The following FAM171B variants were observed in gnomAD, a reference collection of about 807,000 sequenced individuals.
FAM171B encodes family with sequence similarity 171 member B, also known as protein FAM171B.
Under a neutral mutation model 75.6 loss-of-function variants are expected in FAM171B, and 19 were observed. The ratio of observed to expected loss-of-function variants is 0.25; its 90% CI spans 0.18 to 0.37. The LOEUF is 0.37. Ranked by LOEUF, FAM171B falls within the 10% of genes least tolerant of loss-of-function variation. FAM171B has a pLI of 1.00. For missense variants in FAM171B, 848 were observed against 982.4 expected, an observed-to-expected ratio of 0.86 and a Z score of 1.83; for synonymous variants, 367 against 361.7, an observed-to-expected ratio of 1.01 and a Z score of -0.17.
intron 1 of FAM171B, among the ~76,000 whole-genome samples, chr2:186,699,440 A>G (rs1689626663): frequency 6.6e-6 from 1 of 152,126 alleles, no homozygotes; most frequent in South Asian, 2.1e-4. Context: ...AGAAATATCT[A>G]TGCAGATCTT....
chr2:186,742,580 A>G (rs181144219), intron 2 of FAM171B, among the ~76,000 whole-genome samples: 162 of 152,240 alleles, frequency 1.1e-3, no homozygotes, highest in African/African-American at 3.7e-3. Context: ...TCTCAAAATA[A>G]TAAAAGTATT....
At chr2:186,737,151 A>G (rs1320269223) in intron 1 of FAM171B, among the ~76,000 whole-genome samples, 3 of 152,212 alleles carry the variant, frequency 2.0e-5, no homozygotes, top group Non-Finnish European at 1.5e-5. Flanking sequence ...GCAGAGGTGG[A>G]TGGTGACTGA....
At chr2:186,721,435 A>C (rs1206024969) in intron 1 of FAM171B, among the ~76,000 whole-genome samples, 4 of 152,200 alleles carry the variant, frequency 2.6e-5, no homozygotes, top group Non-Finnish European at 5.9e-5. Flanking sequence ...TTATTCAAGC[A>C]ATCAGTCATG....
chr2:186,697,175 T>G (rs1275438852), intron 1 of FAM171B, among the ~76,000 whole-genome samples: 1 of 152,246 alleles, frequency 6.6e-6, no homozygotes, highest in Non-Finnish European at 1.5e-5. Flanking sequence ...ATAAAGTATG[T>G]AAATTTTGGA....
chr2:186,707,298 A>G (rs531810191), intron 1 of FAM171B, among the ~76,000 whole-genome samples: 4 of 152,106 alleles, frequency 2.6e-5, no homozygotes, highest in South Asian at 2.1e-4. Flanking sequence ...CTAGCTCTAC[A>G]CTCCTCTTCA....
chr2:186,734,488 C>A (rs1311974478), intron 1 of FAM171B, among the ~76,000 whole-genome samples: 1 of 151,968 alleles, frequency 6.6e-6, no homozygotes, highest in Non-Finnish European at 1.5e-5. Context: ...AGCAGGTCAT[C>A]ACAACATCTC....
intron 1 of FAM171B, among the ~76,000 whole-genome samples, chr2:186,696,248 A>T (rs966075345): frequency 6.6e-6 from 1 of 152,148 alleles, no homozygotes; most frequent in East Asian, 1.9e-4. Context: ...AAAAACTCTA[A>T]TTACCCAAGC....
At chr2:186,706,559 G>C (rs1689735971) in intron 1 of FAM171B, among the ~76,000 whole-genome samples, 1 of 152,140 alleles carries the variant, frequency 6.6e-6, no homozygotes, top group Non-Finnish European at 1.5e-5. Flanking sequence ...GGCACATTCT[G>C]GTGTTCCAAA....
At position 186,747,184 on chromosome 2, in the gene FAM171B, G is replaced by C. The variant is rs1690376803; in HGVS notation, c.658G>C (p.Val220Leu). 1 of 1,606,262 alleles carries C rather than the reference G, an allele frequency of 6.2e-7. No homozygotes were observed. The highest frequency in any genetic ancestry group is 1.3e-5 in the African/African-American group (1 of 74,558). ...TAGCAACGTTACTGGCTATCTTACA[G>C]TTCTACAACAGTTTTTGAAAGTGGA... is the stretch of plus-strand genomic sequence containing the variant. ...HISNVTGYLTVLQQFLKVDNF... is the reference protein window; with the variant it reads ...HISNVTGYLTLLQQFLKVDNF... The change falls in exon 4 of 8, where the codon GTT (valine) becomes CTT (leucine). Residue 220 changes from valine (V) to leucine (L), a missense_variant. Physicochemically the swap from Val to Leu is conservative, Grantham distance 32. Transcript: ENST00000304698.
Position 186,725,071 on chromosome 2 carries a change from G to A in FAM171B, c.239-15157G>A, listed in dbSNP as rs187042694. ...AGAATTTTTGCTGAGTAGGCCAGGC[G>A]CGATGGCTCACGCCTGTAATCCCAT... On this transcript the variant is annotated intron_variant, in intron 1 of 7. Coordinates refer to ENST00000304698, the MANE Select transcript of FAM171B (RefSeq NM_177454.4). 3.7e-4 allele frequency among the ~76,000 whole-genome samples: 56 copies of A among 152,248 alleles called. No individual in the cohort carries two copies. In the East Asian group the frequency reaches 0.011, roughly 29 times the overall value.
Position 186,762,650 on chromosome 2 carries a change from G to A in FAM171B, c.2308G>A (p.Val770Met). 2 of 1,613,326 alleles carry A rather than the reference G, an allele frequency of 1.2e-6. No individual in the cohort carries two copies. Among genetic ancestry groups the A allele is most frequent in the Non-Finnish European group, 8.5e-7 (1 of 1,179,672 alleles). The change falls in exon 8 of 8, where the codon GTG becomes ATG. Residue 770 changes from valine to methionine, a missense_variant. Val to Met is a conservative substitution (Grantham distance 21). This residue lies in a region of FAM171B where 136 missense variants were observed against 159.3 expected (regional missense o/e 0.85). Coordinates refer to ENST00000304698, the MANE Select transcript of FAM171B (RefSeq NM_177454.4). The surrounding 1 kb of genome is among the most constrained non-coding windows in gnomAD (Gnocchi z 4.0). ...GCACATCCTAGATGGAGGGAGTGGAGTGATCATGGAGCACCCTGGAGAAGA... is the reference window on the plus strand; with the variant it reads ...GCACATCCTAGATGGAGGGAGTGGAATGATCATGGAGCACCCTGGAGAAGA... ...LRHILDGGSGVIMEHPGEESP... is the reference protein window; with the variant it reads ...LRHILDGGSGMIMEHPGEESP...
chr2:186,696,560 A>G (rs1350566556), intron 1 of FAM171B, among the ~76,000 whole-genome samples: 1 of 145,000 alleles, frequency 6.9e-6, no homozygotes, highest in African/African-American at 2.6e-5. Context: ...ATGGCCTACC[A>G]AGGTCTAGAT....
Position 186,762,895 on chromosome 2 carries a change from A to G in FAM171B, c.*72A>G. ...CTTCTTGTTGTAAATTGCAGTACGA[A>G]CTTAAGAAAATGAGACTGAGCAATC... On this transcript the variant is annotated 3_prime_UTR_variant, in exon 8 of 8. Coordinates refer to ENST00000304698, the MANE Select transcript of FAM171B (RefSeq NM_177454.4). The surrounding 1 kb of genome is among the most constrained non-coding windows in gnomAD (Gnocchi z 4.0). 2 of 1,526,092 alleles carry G rather than the reference A, an allele frequency of 1.3e-6. No homozygotes were observed. The highest frequency in any genetic ancestry group is 1.8e-6 in the Non-Finnish European group (2 of 1,135,862). The allele number at this position is 1,526,092 out of a possible 1,614,324, so 94.5% of individuals were successfully genotyped here.
intron 1 of FAM171B, 34 bp downstream of exon 1, chr2:186,694,445 C>G: frequency 6.3e-7 from 1 of 1,591,366 alleles, no homozygotes; most frequent in Non-Finnish European, 8.6e-7. Flanking sequence ...GTCTTTCAGT[C>G]TCGGCCGGCG....
chr2:186,732,958 C>T (rs1250622459), intron 1 of FAM171B, among the ~76,000 whole-genome samples: 2 of 152,324 alleles, frequency 1.3e-5, no homozygotes, highest in Admixed American at 6.5e-5. Flanking sequence ...CAGCCCTTCC[C>T]TGGTGCTGGT....
rs370337149 is a variant in FAM171B at position 186,743,474 on chromosome 2, A to G, written c.473-9A>G. The G allele has an allele frequency of 8.3e-5, 131 of 1,584,772 alleles. No homozygotes were observed. Among genetic ancestry groups the G allele is most frequent in the Non-Finnish European group, 1.1e-4 (127 of 1,154,656 alleles). The stretch of plus-strand genomic sequence containing the variant: ...AAGTAAAATATTCTAATTGTGCTAT[A>G]TTTCACAGTATATTCATCAGTTACA... On this transcript the variant is annotated splice_polypyrimidine_tract_variant and intron_variant, in intron 2 of 7. Coordinates refer to ENST00000304698, the MANE Select transcript of FAM171B (RefSeq NM_177454.4).
At chr2:186,755,406 G>A (rs533573737) in intron 6 of FAM171B, among the ~76,000 whole-genome samples, 1 of 152,244 alleles carries the variant, frequency 6.6e-6, no homozygotes, top group African/African-American at 2.4e-5. Context: ...AGTAAAAGTT[G>A]AATGCATGTA....
At chr2:186,733,747 G>A (rs1385951459) in intron 1 of FAM171B, among the ~76,000 whole-genome samples, 2 of 152,172 alleles carry the variant, frequency 1.3e-5, no homozygotes, top group Admixed American at 6.5e-5. Context: ...ACTGGCATGG[G>A]TGCTAACTCC....
At chr2:186,736,597 T>C (rs1297615273) in intron 1 of FAM171B, among the ~76,000 whole-genome samples, 3 of 134,216 alleles carry the variant, frequency 2.2e-5, no homozygotes, top group Admixed American at 7.6e-5. Context: ...AGAATGAGAA[T>C]AGTGTTTGGA....
Sources: gnomAD v4.1 joint callset for allele counts (sites outside exome capture counted in the v4.1 genomes callset) on GRCh38, gnomAD v4.1.1 for gene constraint, gnomAD v4.1.1 regional missense constraint, Gnocchi (gnomAD v3.1) non-coding constraint, MANE v1.5 for transcripts, NCBI Gene and HGNC (gene_info 2026-07-23, HGNC 2026-07-21) for gene names.